The following INPP5A variants were observed in gnomAD, a reference collection of about 807,000 sequenced individuals.
INPP5A encodes 43 kDa inositol polyphosphate 5-phophatase.
In INPP5A, 14 loss-of-function variants were observed where a neutral mutation model predicts 65.2. That is an observed-to-expected ratio of 0.21 (90% CI 0.14 to 0.34). The LOEUF is 0.34. INPP5A is among the 10% of genes least tolerant of loss of function. INPP5A has a pLI of 1.00. For synonymous variants in INPP5A, 207 were observed against 208.3 expected (o/e 0.99, Z 0.05); for missense variants, 431 against 545.6 (o/e 0.79, Z 2.09).
chr10:132,546,417 GC>G lies in INPP5A; in HGVS notation c.75+8250del, dbSNP rs1482652660. Among the ~76,000 whole-genome samples the G allele has an allele frequency of 2.0e-5, 3 of 152,052 alleles. No individual in the cohort carries two copies. The highest frequency in any genetic ancestry group is 7.2e-5 in the African/African-American group (3 of 41,388). ...GATCAGCCTGTTACTTGAACCCTGA[GC>G]CCCTGGTGGGTCTCGGTGACCTTGA... is the stretch of plus-strand genomic sequence containing the variant. On this transcript the variant is annotated intron_variant, in intron 1 of 15. Transcript: ENST00000368594. This position sits in a 1 kb window ranked among gnomAD's most constrained non-coding sequence, Gnocchi z 5.7.
rs139383736 is a variant in INPP5A, at chr10:132,648,330, G to A, written c.219-2088G>A. Reference sequence around the variant, plus strand: ...GTGGCCCCCACGGCCTTGTGCCCCCGCGATGCCGTGTGTGTTTCCTTCCTC... The same window carrying A: ...GTGGCCCCCACGGCCTTGTGCCCCCACGATGCCGTGTGTGTTTCCTTCCTC... On this transcript the variant is annotated intron_variant, in intron 3 of 15. Transcript: ENST00000368594. Among the ~76,000 whole-genome samples the A allele has an allele frequency of 3.8e-3, 577 of 152,376 alleles. 5 individuals carry two copies. Among genetic ancestry groups the A allele is most frequent in the African/African-American group, 0.013 (547 of 41,596 alleles).
intron 2 of INPP5A, among the ~76,000 whole-genome samples, chr10:132,615,023 A>T (rs2072012286): frequency 6.6e-6 from 1 of 152,202 alleles, no homozygotes; most frequent in Non-Finnish European, 1.5e-5. Flanking sequence ...CCTTCCCGTG[A>T]CGCGTCCAGC....
intron 2 of INPP5A, among the ~76,000 whole-genome samples, chr10:132,638,471 G>A (rs534040594): frequency 5.5e-4 from 84 of 152,328 alleles, no homozygotes; most frequent in East Asian, 2.1e-3. Context: ...ACACCCCAGC[G>A]GGGGCAGTCC....
intron 9 of INPP5A, among the ~76,000 whole-genome samples, chr10:132,739,588 C>A (rs1047927275): frequency 1.3e-5 from 2 of 152,244 alleles, no homozygotes; most frequent in East Asian, 3.9e-4. Context: ...TGATCTCAGC[C>A]ACTCCCAGAG....
rs2072452696 is a variant in INPP5A, at chr10:132,643,449, A to G, written c.118-2419A>G. On this transcript the variant is annotated intron_variant, in intron 2 of 15. Transcript: ENST00000368594. ...CAGGAGTTGGAGGCTGCTGTGAGCTATGATCACACTACTGTACTCCAGCCT... is the reference window on the plus strand; with the variant it reads ...CAGGAGTTGGAGGCTGCTGTGAGCTGTGATCACACTACTGTACTCCAGCCT... Among the ~76,000 whole-genome samples, 3 of 152,202 alleles carry G rather than the reference A, an allele frequency of 2.0e-5. No individual in the cohort carries two copies. In the South Asian group the frequency reaches 6.2e-4, roughly 32 times the overall value.
intron 9 of INPP5A, among the ~76,000 whole-genome samples, chr10:132,729,098 T>G (rs1846037724): frequency 6.6e-6 from 1 of 152,086 alleles, no homozygotes; most frequent in South Asian, 2.1e-4. Context: ...GCCTGGACGC[T>G]GGGTCCTGTG....
intron 4 of INPP5A, among the ~76,000 whole-genome samples, chr10:132,673,327 T>TCATTAGGG (rs920751317): frequency 3.9e-5 from 6 of 152,164 alleles, no homozygotes; most frequent in Admixed American, 2.0e-4. Context: ...TGCTAGTGGA[T>TCATTAGGG]CATTAGGGGT....
intron 1 of INPP5A, among the ~76,000 whole-genome samples, chr10:132,602,189 T>G (rs1441123192): frequency 6.6e-6 from 1 of 152,254 alleles, no homozygotes; most frequent in East Asian, 1.9e-4. Context: ...ATTTCTAAGT[T>G]TTTTATTCTT....
intron 2 of INPP5A, among the ~76,000 whole-genome samples, chr10:132,614,543 C>T (rs556994486): frequency 1.3e-5 from 2 of 152,366 alleles, no homozygotes; most frequent in South Asian, 2.1e-4. Flanking sequence ...CCTGTCCACC[C>T]GTCCAGGTTC....
rs549712500 is a variant in INPP5A, at chr10:132,551,055, T to G, written c.75+12884T>G. Among the ~76,000 whole-genome samples, 18 of 152,344 alleles carry G rather than the reference T, an allele frequency of 1.2e-4. No homozygotes were observed. The South Asian group carries it at 3.5e-3, about 30-fold the overall frequency. On this transcript the variant is annotated intron_variant, in intron 1 of 15. Coordinates refer to ENST00000368594, the MANE Select transcript of INPP5A (RefSeq NM_005539.5). This position sits in a 1 kb window ranked among gnomAD's most constrained non-coding sequence, Gnocchi z 5.3. ...GCCAGTGGCTTCAGTAGCCACACGC[T>G]GCTTGGTCCAGGTTCCTGCCTGAGC...
chr10:132,768,793 A>T (rs1846899929), intron 12 of INPP5A, among the ~76,000 whole-genome samples: 1 of 152,202 alleles, frequency 6.6e-6, no homozygotes, highest in African/African-American at 2.4e-5. Flanking sequence ...GAATCGTTTC[A>T]TGGTTTTTGC....
At position 132,753,360 on chromosome 10, in the gene INPP5A, G is replaced by A. The variant is rs545233477; in HGVS notation, c.903+3515G>A. ...TCCGCAGGATGGATGTGCCTGCGCC[G>A]GTCGCAGCCCCAAGTCCATTGCATC... is the stretch of plus-strand genomic sequence containing the variant. On this transcript the variant is annotated intron_variant, in intron 11 of 15. Transcript: ENST00000368594. This position sits in a 1 kb window ranked among gnomAD's most constrained non-coding sequence, Gnocchi z 5.3. Among the ~76,000 whole-genome samples, 66 of 152,280 alleles carry A rather than the reference G, an allele frequency of 4.3e-4. No homozygotes were observed. Among genetic ancestry groups the A allele is most frequent in the Non-Finnish European group, 4.7e-4 (32 of 68,032 alleles).
intron 12 of INPP5A, among the ~76,000 whole-genome samples, chr10:132,769,374 G>A (rs141473733): frequency 0.013 from 1,982 of 152,330 alleles, 22 homozygotes; most frequent in Non-Finnish European, 0.022. Flanking sequence ...AGGCGGGAAG[G>A]AGGCTGGCCA....
At chr10:132,734,289 G>C (rs1311467695) in intron 9 of INPP5A, among the ~76,000 whole-genome samples, 1 of 152,186 alleles carries the variant, frequency 6.6e-6, no homozygotes, top group African/African-American at 2.4e-5. Context: ...TGCTCCCTGA[G>C]GCTGTGCGCT....
At position 132,676,245 on chromosome 10, in the gene INPP5A, C is replaced by A. The variant is rs1400634736; in HGVS notation, c.307-14147C>A. ...TTGAGAGGAAGAGCTCTAGGTGATA[C>A]AGGTTTAAAATGACTGGTAGGCACC... On this transcript the variant is annotated intron_variant, in intron 4 of 15. Transcript: ENST00000368594. This position sits in a 1 kb window ranked among gnomAD's most constrained non-coding sequence, Gnocchi z 4.0. Among the ~76,000 whole-genome samples the A allele has an allele frequency of 6.6e-6, 1 of 152,116 alleles. No individual in the cohort carries two copies. The highest frequency in any genetic ancestry group is 1.9e-4 in the East Asian group (1 of 5,196).
At chr10:132,629,969 C>T (rs943112708) in intron 2 of INPP5A, among the ~76,000 whole-genome samples, 1 of 151,156 alleles carries the variant, frequency 6.6e-6, no homozygotes, top group South Asian at 2.1e-4. Flanking sequence ...GAGGGCAAAG[C>T]GTTCTTGAGG....
intron 1 of INPP5A, among the ~76,000 whole-genome samples, chr10:132,567,473 A>G (rs1364680070): frequency 6.6e-6 from 1 of 152,194 alleles, no homozygotes; most frequent in East Asian, 1.9e-4. Flanking sequence ...AAACCTTTGT[A>G]TGGTGAATAA....
chr10:132,720,595 A>T (rs192710038), intron 8 of INPP5A, among the ~76,000 whole-genome samples: 23 of 149,286 alleles, frequency 1.5e-4, no homozygotes, highest in African/African-American at 5.7e-4. Flanking sequence ...TGGGCACCTT[A>T]GACGGCTGTC....
chr10:132,656,594 G>C (rs6560706), intron 4 of INPP5A, among the ~76,000 whole-genome samples: 131,884 of 152,182 alleles, frequency 0.87, 57,225 homozygotes, highest in East Asian at 0.96. Context: ...GTGGCTGTGC[G>C]GGCTGCCCCA....
Sources: gnomAD v4.1 joint callset for allele counts (sites outside exome capture counted in the v4.1 genomes callset) on GRCh38, gnomAD v4.1.1 for gene constraint, Gnocchi (gnomAD v3.1) non-coding constraint, MANE v1.5 for transcripts, NCBI Gene and HGNC (gene_info 2026-07-23, HGNC 2026-07-21) for gene names.